Variants in NPIPA8 observed in about 807,000 individuals in gnomAD.
The protein encoded by NPIPA8 is nuclear pore complex-interacting protein family member A8.
Under a neutral mutation model 7.1 loss-of-function variants are expected in NPIPA8, and 1 was observed. The ratio of observed to expected loss-of-function variants is 0.14; its 90% CI spans 0.05 to 0.66. The LOEUF (loss-of-function observed/expected upper bound fraction) is 0.66. Among genes scored for constraint, NPIPA8 ranks in the 30% least tolerant of loss-of-function variants. NPIPA8 has a pLI of 0.84.
chr16:18,335,453 G>A (rs1215099618), upstream of NPIPA8, among the ~76,000 whole-genome samples: 5 of 118,328 alleles, frequency 4.2e-5, no homozygotes, highest in African/African-American at 1.5e-4. Flanking sequence ...GCCCGCCTCC[G>A]CCTCCCAAAG....
At chr16:18,325,112 C>A (rs1483057536) in intron 2 of NPIPA8, among the ~76,000 whole-genome samples, 5 of 61,152 alleles carry the variant, frequency 8.2e-5, no homozygotes, top group East Asian at 8.3e-4. Flanking sequence ...CCAACCTGGG[C>A]AACAAAATTC....
rs1299873329 is a variant in NPIPA8, at chr16:18,324,735, C to T, written c.193-237G>A. Among the ~76,000 whole-genome samples the T allele has an allele frequency of 3.6e-4, 24 of 66,470 alleles. 3 individuals are homozygous for T. The highest frequency in any genetic ancestry group is 1.2e-3 in the East Asian group (3 of 2,558). 43.6% of individuals were successfully genotyped at this position (66,470 alleles called of 152,430 possible). A position where few individuals can be genotyped will look rare whatever the true frequency, so the allele number is the denominator to read the frequency against. Reference sequence around the variant, plus strand: ...CAGAGAACCGTTTGAAGCTGGGAGGCGGAGTTTGCAGTGAGCCGAGATCAC... The same window carrying T: ...CAGAGAACCGTTTGAAGCTGGGAGGTGGAGTTTGCAGTGAGCCGAGATCAC... On this transcript the variant is annotated intron_variant, in intron 2 of 7. Coordinates refer to ENST00000541810, the Ensembl canonical transcript of NPIPA8.
upstream of NPIPA8, among the ~76,000 whole-genome samples, chr16:18,335,798 C>T (rs1325980507): frequency 2.2e-5 from 3 of 135,686 alleles, no homozygotes; most frequent in Admixed American, 2.1e-4. Flanking sequence ...AGGCTCTGAG[C>T]CCAAGCTTTT....
chr16:18,323,845 A>AGAG (rs1413313978), intron 4 of NPIPA8, among the ~76,000 whole-genome samples: 370 of 122,366 alleles, frequency 3.0e-3, no homozygotes, highest in African/African-American at 9.8e-3. Flanking sequence ...AAAAAAAAAA[A>AGAG]AAAGAGAAAG....
Position 18,323,847 on chromosome 16 carries a change from A to AAAAAG in NPIPA8, c.437+243_437+244insCTTTT, listed in dbSNP as rs750129798. ...AAAAAAAAAAAAAAAAAAAAAAAAA[A>AAAAAG]AGAGAAAGGAAAACCAATGCCAGTA... On this transcript the variant is annotated intron_variant, in intron 4 of 7. Coordinates refer to ENST00000541810, the Ensembl canonical transcript of NPIPA8. 8.5e-4 allele frequency among the ~76,000 whole-genome samples: 78 copies of AAAAAG among 91,630 alleles called. 7 individuals are homozygous for AAAAAG. Among genetic ancestry groups the AAAAAG allele is most frequent in the Middle Eastern group, 5.0e-3 (1 of 200 alleles). 60.1% of individuals were successfully genotyped at this position (91,630 alleles called of 152,430 possible).
upstream of NPIPA8, among the ~76,000 whole-genome samples, chr16:18,335,678 TC>T (rs1480082975): frequency 2.7e-5 from 3 of 112,446 alleles, no homozygotes; most frequent in Admixed American, 8.4e-5. Context: ...GGGTGCGGCC[TC>T]CCGTTTCCGT....
upstream of NPIPA8, among the ~76,000 whole-genome samples, chr16:18,335,425 C>T (rs1164104223): frequency 3.6e-5 from 4 of 110,794 alleles, no homozygotes; most frequent in Non-Finnish European, 5.6e-5. Context: ...TCTTGGAACT[C>T]CTGACCTCAA....
At chr16:18,336,090 G>A (rs1900175102), upstream of NPIPA8, among the ~76,000 whole-genome samples, 1 of 149,750 alleles carries the variant, frequency 6.7e-6, no homozygotes, top group South Asian at 2.1e-4. Flanking sequence ...CCAAAGTGTT[G>A]GGATTACAGG....
intron 3 of NPIPA8, 21 bp from the exon 6 acceptor site, chr16:18,324,256 T>C: frequency 2.0e-6 from 1 of 505,066 alleles, no homozygotes; most frequent in East Asian, 3.0e-5. Context: ...AGAAACTCTT[T>C]TCTTTGTGTG....
At chr16:18,335,215 TA>T (rs1267424918), upstream of NPIPA8, among the ~76,000 whole-genome samples, 4 of 24,682 alleles carry the variant, frequency 1.6e-4, no homozygotes, top group East Asian at 1.4e-3. Context: ...TTTTTTTTTT[TA>T]AGATGGAGTC....
upstream of NPIPA8, among the ~76,000 whole-genome samples, chr16:18,336,029 C>T (rs1404848962): frequency 2.6e-5 from 4 of 151,688 alleles, no homozygotes. Flanking sequence ...ATTGTGTTGG[C>T]CAGGCTGGTC....
At chr16:18,335,952 C>A (rs1900170945), upstream of NPIPA8, among the ~76,000 whole-genome samples, 1 of 150,790 alleles carries the variant, frequency 6.6e-6, no homozygotes, top group Non-Finnish European at 1.5e-5. Flanking sequence ...TCTCGAGTAG[C>A]TGGGACTACA....
At chr16:18,325,134 C>CAA (rs1201782642) in intron 2 of NPIPA8, among the ~76,000 whole-genome samples, 2 of 51,502 alleles carry the variant, frequency 3.9e-5, no homozygotes, top group African/African-American at 8.2e-5. Flanking sequence ...AACTCTGTCT[C>CAA]AAAAAAAAAA....
intron 4 of NPIPA8, among the ~76,000 whole-genome samples, chr16:18,323,822 A>G (rs1450645067): frequency 1.4e-4 from 7 of 50,296 alleles, no homozygotes; most frequent in African/African-American, 7.3e-4. Context: ...ATCTCAGGAA[A>G]AAAAAAAAAA....
upstream of NPIPA8, among the ~76,000 whole-genome samples, chr16:18,336,241 C>T (rs1900178992): frequency 8.0e-6 from 1 of 124,330 alleles, no homozygotes; most frequent in Non-Finnish European, 1.6e-5. Context: ...CGTGAGCCAC[C>T]ACACCCGGCC....
At chr16:18,335,876 A>G (rs1278468306), upstream of NPIPA8, among the ~76,000 whole-genome samples, 5 of 133,922 alleles carry the variant, frequency 3.7e-5, no homozygotes, top group Non-Finnish European at 7.9e-5. Context: ...GATGGAGTGC[A>G]GTGGCGCAAT....
chr16:18,335,970 G>A (rs1331664638), upstream of NPIPA8, among the ~76,000 whole-genome samples: 11 of 151,382 alleles, frequency 7.3e-5, no homozygotes, highest in East Asian at 2.0e-4. Context: ...ACAGGCGCCC[G>A]CCACCATGCC....
rs1310818188 is a variant in NPIPA8, at chr16:18,324,740, T to G, written c.193-242A>C. Among the ~76,000 whole-genome samples, 24 of 64,596 alleles carry G rather than the reference T, an allele frequency of 3.7e-4. 3 individuals carry two copies. The highest frequency in any genetic ancestry group is 1.2e-3 in the East Asian group (3 of 2,608). 42.4% of individuals were successfully genotyped at this position (64,596 alleles called of 152,430 possible). ...AACCGTTTGAAGCTGGGAGGCGGAGTTTGCAGTGAGCCGAGATCACACCAC... is the reference window on the plus strand; with the variant it reads ...AACCGTTTGAAGCTGGGAGGCGGAGGTTGCAGTGAGCCGAGATCACACCAC... On this transcript the variant is annotated intron_variant, in intron 2 of 7. Transcript: ENST00000541810.
chr16:18,335,694 A>G (rs1260579783), upstream of NPIPA8, among the ~76,000 whole-genome samples: 4 of 118,072 alleles, frequency 3.4e-5, no homozygotes, highest in Admixed American at 8.0e-5. Context: ...TTCCGTATGA[A>G]TGGGAAGAGT....
Sources: allele counts gnomAD v4.1 joint callset (sites outside exome capture counted in the v4.1 genomes callset), GRCh38; gene constraint gnomAD v4.1.1; transcripts MANE v1.5; gene names NCBI Gene and HGNC (gene_info 2026-07-23, HGNC 2026-07-21).